PPARGC1A: variants seen among roughly 807,000 people sequenced by gnomAD.
PPARGC1A encodes peroxisome proliferator-activated receptor gamma coactivator 1-alpha.
In PPARGC1A, 25 loss-of-function variants were observed where a neutral mutation model predicts 88.7. That is an observed-to-expected ratio of 0.28 (90% CI 0.21 to 0.39). The LOEUF is 0.39. PPARGC1A is among the 10% of genes least tolerant of loss of function. The probability of loss-of-function intolerance (pLI) is 1.00; values close to 1 mark genes in which losing one functional copy is unlikely to be tolerated. For synonymous variants in PPARGC1A, 363 were observed against 355.6 expected, an observed-to-expected ratio of 1.02 and a Z score of -0.24; for missense variants, 880 against 968.7, an observed-to-expected ratio of 0.91 and a Z score of 1.22.
chr4:24,122,005 G>A, the PPARGC1A span, among the ~76,000 whole-genome samples: 2 of 152,078 alleles, frequency 1.3e-5, no homozygotes, highest in African/African-American at 4.8e-5. Flanking sequence ...CAAAGGGAGT[G>A]GAAAAGTTGA....
chr4:24,028,552 C>T, the PPARGC1A span, among the ~76,000 whole-genome samples: 1 of 152,170 alleles, frequency 6.6e-6, no homozygotes, highest in Non-Finnish European at 1.5e-5. Context: ...TATGCCCAAG[C>T]TCTGTGCACT....
the PPARGC1A span, among the ~76,000 whole-genome samples, chr4:24,336,815 C>G: frequency 1.3e-5 from 2 of 152,102 alleles, no homozygotes; most frequent in African/African-American, 4.8e-5. Flanking sequence ...GTAATCCCAG[C>G]TACTTGGGAG....
At chr4:24,065,736 A>C in the PPARGC1A span, among the ~76,000 whole-genome samples, 1 of 152,136 alleles carries the variant, frequency 6.6e-6, no homozygotes, top group African/African-American at 2.4e-5. Flanking sequence ...AAGTCTGAGA[A>C]GATTTCTCTC....
At chr4:24,018,896 G>C in the PPARGC1A span, among the ~76,000 whole-genome samples, 2 of 151,988 alleles carry the variant, frequency 1.3e-5, no homozygotes, top group Non-Finnish European at 2.9e-5. Flanking sequence ...GAAAAAAGTA[G>C]ATAAGCAAAA....
chr4:24,220,680 A>G, the PPARGC1A span, among the ~76,000 whole-genome samples: 1 of 152,218 alleles, frequency 6.6e-6, no homozygotes, highest in Non-Finnish European at 1.5e-5. Context: ...CACTGGGTGC[A>G]TAAGGACAGA....
intron 2 of PPARGC1A, among the ~76,000 whole-genome samples, chr4:23,866,473 T>G (rs58726785): frequency 0.097 from 14,756 of 152,216 alleles, 1,103 homozygotes; most frequent in African/African-American, 0.21. Flanking sequence ...ATTGGGATGT[T>G]TTAAAAATCT....
At chr4:24,330,719 A>G in the PPARGC1A span, among the ~76,000 whole-genome samples, 1 of 152,218 alleles carries the variant, frequency 6.6e-6, no homozygotes. Context: ...TTTATAAATG[A>G]GAAACTGAGA....
At chr4:24,121,256 C>A in the PPARGC1A span, among the ~76,000 whole-genome samples, 1 of 152,206 alleles carries the variant, frequency 6.6e-6, no homozygotes, top group African/African-American at 2.4e-5. Context: ...ATGGAGAACA[C>A]AGGCTCCCAG....
intron 2 of PPARGC1A, among the ~76,000 whole-genome samples, chr4:23,844,875 T>TAATATATGATATATATTATATAC (rs1560429999): frequency 4.6e-5 from 3 of 64,888 alleles, no homozygotes; most frequent in East Asian, 1.5e-3. Flanking sequence ...ATATATTATA[T>TAATATATGATATATATTATATAC]ACACACACAC....
chr4:24,296,913 C>T, the PPARGC1A span, among the ~76,000 whole-genome samples: 1 of 151,898 alleles, frequency 6.6e-6, no homozygotes, highest in East Asian at 1.9e-4. Context: ...TCTCACCTTT[C>T]AAATCAGCAC....
the PPARGC1A span, among the ~76,000 whole-genome samples, chr4:23,925,897 C>A: frequency 6.6e-6 from 1 of 152,060 alleles, no homozygotes; most frequent in Admixed American, 6.6e-5. Context: ...CAAGGCAGTT[C>A]CCATAAAATT....
At chr4:24,219,556 A>T in the PPARGC1A span, among the ~76,000 whole-genome samples, 1 of 152,202 alleles carries the variant, frequency 6.6e-6, no homozygotes, top group Non-Finnish European at 1.5e-5. Context: ...TCAGTTAACA[A>T]TTGATCAATC....
At chr4:24,464,352 A>G in the PPARGC1A span, among the ~76,000 whole-genome samples, 1 of 152,214 alleles carries the variant, frequency 6.6e-6, no homozygotes, top group African/African-American at 2.4e-5. Flanking sequence ...TTTTCAGCAA[A>G]TTATACATTA....
chr4:23,939,385 C>T, the PPARGC1A span, among the ~76,000 whole-genome samples: 16 of 152,098 alleles, frequency 1.1e-4, no homozygotes, highest in African/African-American at 3.9e-4. Context: ...TGCATAAATA[C>T]AATAAGCATA....
the PPARGC1A span, among the ~76,000 whole-genome samples, chr4:24,103,188 AC>A: frequency 6.6e-6 from 1 of 152,054 alleles, no homozygotes; most frequent in Non-Finnish European, 1.5e-5. Context: ...AAGTTCCAAA[AC>A]TTTTCATGGC....
chr4:24,105,174 G>A, the PPARGC1A span, among the ~76,000 whole-genome samples: 2 of 152,186 alleles, frequency 1.3e-5, no homozygotes, highest in Non-Finnish European at 2.9e-5. Flanking sequence ...CACAGTGAAG[G>A]TAAGATAGTG....
chr4:24,123,500 T>A, the PPARGC1A span, among the ~76,000 whole-genome samples: 1 of 151,992 alleles, frequency 6.6e-6, no homozygotes, highest in Non-Finnish European at 1.5e-5. Context: ...AGGCAGAAAA[T>A]AAGCATAGAG....
chr4:23,946,216 A>G, the PPARGC1A span, among the ~76,000 whole-genome samples: 1 of 152,258 alleles, frequency 6.6e-6, no homozygotes, highest in East Asian at 1.9e-4. Context: ...GAAATTATAG[A>G]CTTTTAAAAA....
At chr4:23,959,704 G>A in the PPARGC1A span, among the ~76,000 whole-genome samples, 2 of 152,078 alleles carry the variant, frequency 1.3e-5, no homozygotes, top group African/African-American at 4.8e-5. Flanking sequence ...AAGGAGAAAG[G>A]TATTTATGAC....
Sources: allele counts gnomAD v4.1 joint callset (sites outside exome capture counted in the v4.1 genomes callset), GRCh38; gene constraint gnomAD v4.1.1; transcripts MANE v1.5; gene names NCBI Gene and HGNC (gene_info 2026-07-23, HGNC 2026-07-21).